The following SPINK5 variants were observed in gnomAD, a reference collection of about 807,000 sequenced individuals.
The protein encoded by SPINK5 is serine peptidase inhibitor Kazal type 5, also known as serine protease inhibitor Kazal-type 5.
In SPINK5, 125 loss-of-function variants were observed where a neutral mutation model predicts 151.8. That is an observed-to-expected ratio of 0.82 (90% CI 0.71 to 0.96). SPINK5 has a LOEUF of 0.96. SPINK5 is among the 40% of genes least tolerant of loss of function. SPINK5 has a pLI of 0.00. For missense variants in SPINK5, 1,194 were observed against 1,291.9 expected (o/e 0.92, Z 1.16); for synonymous variants, 374 against 395.3 (o/e 0.95, Z 0.64).
chr5:148,117,689 TTAGA>T lies in SPINK5; in HGVS notation c.2113-745_2113-742del, dbSNP rs757182220. 5.1e-4 allele frequency among the ~76,000 whole-genome samples: 77 copies of T among 152,122 alleles called. 1 individual carries two copies. The highest frequency in any genetic ancestry group is 6.8e-4 in the Non-Finnish European group (46 of 67,992). On this transcript the variant is annotated intron_variant, in intron 22 of 32. Transcript: ENST00000256084. ...GTACTTAATTTTTTTTCAACCAAAC[TTAGA>T]TAAAAAATACAGGATTTGTGGGATG...
At chr5:148,117,613 C>A (rs2113182522) in intron 22 of SPINK5, among the ~76,000 whole-genome samples, 1 of 152,254 alleles carries the variant, frequency 6.6e-6, no homozygotes, top group South Asian at 2.1e-4. Flanking sequence ...TCCCTGTGGG[C>A]TATACAATTG....
chr5:148,115,348 T>C (rs1485523827), intron 21 of SPINK5, among the ~76,000 whole-genome samples: 2 of 152,176 alleles, frequency 1.3e-5, no homozygotes, highest in African/African-American at 2.4e-5. Flanking sequence ...CAATTCTACA[T>C]GTAATGGGAA....
chr5:148,066,627 G>C (rs1752592973), intron 2 of SPINK5, among the ~76,000 whole-genome samples: 1 of 152,050 alleles, frequency 6.6e-6, no homozygotes, highest in South Asian at 2.1e-4. Flanking sequence ...AAGTTCAGTA[G>C]AGTAGAAAAT....
intron 11 of SPINK5, among the ~76,000 whole-genome samples, chr5:148,098,377 T>A (rs747548426): frequency 1.3e-5 from 2 of 152,126 alleles, no homozygotes; most frequent in Non-Finnish European, 2.9e-5. Context: ...AAAATTCCCA[T>A]GAAACAACAC....
chr5:148,126,240 G>GT (rs1321105006), intron 29 of SPINK5, among the ~76,000 whole-genome samples: 1 of 152,062 alleles, frequency 6.6e-6, no homozygotes, highest in Non-Finnish European at 1.5e-5. Context: ...TATGGAATTT[G>GT]TTTTTTAGAA....
intron 28 of SPINK5, 164 bp from the exon 29 acceptor site, chr5:148,125,559 T>A (rs555458709): frequency 6.2e-7 from 1 of 1,613,984 alleles, no homozygotes; most frequent in South Asian, 1.1e-5. Flanking sequence ...AAGCGGAGGA[T>A]GCAAAATTTA....
intron 26 of SPINK5, among the ~76,000 whole-genome samples, chr5:148,121,934 C>T (rs148126507): frequency 4.0e-4 from 61 of 151,474 alleles, no homozygotes; most frequent in African/African-American, 1.5e-3. Context: ...CATTATTGCA[C>T]TCCAGCCTGG....
At position 148,133,914 on chromosome 5, in the gene SPINK5, A is replaced by G. The variant is rs762507088; in HGVS notation, c.3186+27A>G. On this transcript the variant is annotated intron_variant, in intron 32 of 32. Transcript: ENST00000256084. ...TAAGTACATAAGTAGACTGGCCTCC[A>G]TGGTTACGTTGTGAGGAGCACTGGG... The G allele has an allele frequency of 4.3e-6, 7 of 1,610,684 alleles. 1 individual carries two copies. In the South Asian group the frequency reaches 7.7e-5, roughly 18 times the overall value.
chr5:148,121,143 C>CA (rs767012594), intron 26 of SPINK5, among the ~76,000 whole-genome samples: 4,585 of 67,840 alleles, frequency 0.068, 402 homozygotes, highest in African/African-American at 0.14. Context: ...GACTCTGTCT[C>CA]AAAAAAAAAA....
chr5:148,116,679 T>C (rs566574429), intron 22 of SPINK5, among the ~76,000 whole-genome samples: 1 of 152,326 alleles, frequency 6.6e-6, no homozygotes, highest in South Asian at 2.1e-4. Context: ...ATTAACAATA[T>C]GTAATGACCT....
intron 26 of SPINK5, among the ~76,000 whole-genome samples, chr5:148,121,122 C>T (rs550188190): frequency 1.2e-4 from 13 of 111,224 alleles, no homozygotes; most frequent in South Asian, 3.1e-4. Context: ...CCAGCCTGGG[C>T]GACAGAGCAA....
Position 148,094,339 on chromosome 5 carries a change from A to C in SPINK5, c.667-15A>C. 6.2e-7 allele frequency: 1 copy of C among 1,611,134 alleles called. No individual in the cohort carries two copies. Among genetic ancestry groups the C allele is most frequent in the Middle Eastern group, 1.7e-4 (1 of 6,038 alleles). On this transcript the variant is annotated splice_polypyrimidine_tract_variant and intron_variant, in intron 8 of 32. Coordinates refer to ENST00000256084, the MANE Select transcript of SPINK5 (RefSeq NM_006846.4). ...AATGAAATGAAGTAAAATAAATATA[A>C]TTGTCTTTTCAAAGGATTTTTGCAA...
At chr5:148,076,161 A>G (rs560126160) in intron 4 of SPINK5, among the ~76,000 whole-genome samples, 9 of 151,918 alleles carry the variant, frequency 5.9e-5, no homozygotes, top group African/African-American at 2.2e-4. Context: ...CCTCCCCTGT[A>G]CACAAAGGTC....
Position 148,119,021 on chromosome 5 carries a change from G to T in SPINK5, c.2276G>T (p.Arg759Leu). The T allele has an allele frequency of 1.2e-6, 2 of 1,613,932 alleles. No individual in the cohort carries two copies. Among genetic ancestry groups the T allele is most frequent in the Non-Finnish European group, 1.7e-6 (2 of 1,179,920 alleles). ...GCAGAGAGAAAAAATGAGTATTCTC[G>T]CTCCAGATCAAATGGGACTGGATCA... ...REAERKNEYS[R>L]SRSNGTGSES... The change falls in exon 24 of 33, where the codon CGC (arginine) becomes CTC (leucine). Residue 759 changes from arginine (R) to leucine (L), a missense_variant. Arg to Leu is a moderately radical substitution (Grantham distance 102). Transcript: ENST00000256084.
At chr5:148,110,330 ATTC>A (rs1753892808) in intron 18 of SPINK5, among the ~76,000 whole-genome samples, 1 of 152,110 alleles carries the variant, frequency 6.6e-6, no homozygotes, top group African/African-American at 2.4e-5. Context: ...GAGTTCACCA[ATTC>A]TTCAACATAC....
At chr5:148,085,287 T>C (rs1753123406) in intron 4 of SPINK5, among the ~76,000 whole-genome samples, 1 of 151,930 alleles carries the variant, frequency 6.6e-6, no homozygotes, top group Admixed American at 6.6e-5. Context: ...TGATACATCA[T>C]AGGTCTACAT....
chr5:148,092,480 TTTCATTAGGTCTCTG>T (rs2113081872), intron 8 of SPINK5, among the ~76,000 whole-genome samples: 1 of 151,984 alleles, frequency 6.6e-6, no homozygotes, highest in East Asian at 1.9e-4. Context: ...TTCCTTTGTT[TTTCATTAGGTCTCTG>T]TACTTCCCTC....
rs759149324 is a variant in SPINK5 at position 148,137,220 on chromosome 5, A to C, written c.*229A>C. The C allele has an allele frequency of 8.8e-5, 53 of 599,262 alleles. 1 individual carries two copies. Among genetic ancestry groups the C allele is most frequent in the Non-Finnish European group, 7.7e-5 (26 of 338,740 alleles). 37.1% of individuals were successfully genotyped at this position (599,262 alleles called of 1,614,324 possible). A position where few individuals can be genotyped will look rare whatever the true frequency, so the allele number is the denominator to read the frequency against. On this transcript the variant is annotated 3_prime_UTR_variant, in exon 33 of 33. Coordinates refer to ENST00000256084, the MANE Select transcript of SPINK5 (RefSeq NM_006846.4). ...ACATCTCCACCAAGTCTGAGCCCTC[A>C]AAATGTCCTGATTACAATGCTGTCT...
chr5:148,080,989 A>T (rs978296446), intron 4 of SPINK5, among the ~76,000 whole-genome samples: 1 of 151,624 alleles, frequency 6.6e-6, no homozygotes, highest in African/African-American at 2.4e-5. Context: ...CACCAAAGAT[A>T]TATGAATGGC....
Sources: gnomAD v4.1 joint callset for allele counts (sites outside exome capture counted in the v4.1 genomes callset) on GRCh38, gnomAD v4.1.1 for gene constraint, MANE v1.5 for transcripts, NCBI Gene and HGNC (gene_info 2026-07-23, HGNC 2026-07-21) for gene names.